VKORC1: variants seen among roughly 807,000 people sequenced by gnomAD.
VKORC1 encodes the protein phylloquinone epoxide reductase.
Under a neutral mutation model 14.8 loss-of-function variants are expected in VKORC1, and 12 were observed. The ratio of observed to expected loss-of-function variants is 0.81; its 90% confidence interval spans 0.52 to 1.31. VKORC1 has a LOEUF of 1.31. VKORC1 is among the 50% of genes most tolerant of loss of function. VKORC1 has a pLI of 0.00. For missense variants in VKORC1, 223 were observed against 215.3 expected (o/e 1.04, Z -0.22); for synonymous variants, 94 against 92.5 (o/e 1.02, Z -0.09).
In VKORC1 at chr16:31,091,617, T is replaced by G. The variant is rs2057291023; in HGVS notation, c.284-275A>C. 1.3e-5 allele frequency among the ~76,000 whole-genome samples: 2 copies of G among 152,314 alleles called. 1 individual carries two copies. Among genetic ancestry groups the G allele is most frequent in the Non-Finnish European group, 2.9e-5 (2 of 68,030 alleles). ...AATTTAGAAATTCAGCTGGGCACGGTGGCTCATGCCTGTAATCCCAGTATT... is the reference window on the plus strand; with the variant it reads ...AATTTAGAAATTCAGCTGGGCACGGGGGCTCATGCCTGTAATCCCAGTATT... On this transcript the variant is annotated intron_variant, in intron 2 of 2. Transcript: ENST00000394975.
chr16:31,092,176 CAAAAAAAA>C (rs35224256), intron 2 of VKORC1, among the ~76,000 whole-genome samples: 7 of 37,186 alleles, frequency 1.9e-4, no homozygotes, highest in Admixed American at 4.9e-4. Flanking sequence ...GACTATGTCG[CAAAAAAAA>C]AAAAAAAAAA....
chr16:31,092,782 C>T (rs950380619), intron 2 of VKORC1: 17 of 1,279,696 alleles, frequency 1.3e-5, no homozygotes, highest in Admixed American at 2.4e-5. Context: ...TGGTAGCTCA[C>T]GCCTGTAATC....
At chr16:31,092,335 A>T (rs2057295494) in intron 2 of VKORC1, among the ~76,000 whole-genome samples, 3 of 152,002 alleles carry the variant, frequency 2.0e-5, no homozygotes, top group Admixed American at 1.3e-4. Context: ...TCTTAAAAAA[A>T]AAAAAAAAGA....
At chr16:31,094,519 C>G in intron 1 of VKORC1, 38 bp downstream of exon 1, 1 of 1,612,562 alleles carries the variant, frequency 6.2e-7, no homozygotes, top group Non-Finnish European at 8.5e-7. Context: ...CCTGGCCGCC[C>G]TGCTCCGAGG....
At chr16:31,092,702 C>A in intron 2 of VKORC1, 1 of 1,252,522 alleles carries the variant, frequency 8.0e-7, no homozygotes, top group Middle Eastern at 2.2e-4. Flanking sequence ...CAAAAGATAG[C>A]TCATGCTCAG....
In VKORC1 at chr16:31,094,649, C is replaced by T. The variant is rs769784897; in HGVS notation, c.81G>A (p.Leu27=). The T allele has an allele frequency of 3.1e-6, 5 of 1,607,430 alleles. No homozygotes were observed. In the South Asian group the frequency reaches 5.5e-5, roughly 18 times the overall value. Residue 27 remains leucine, a synonymous_variant, in exon 1 of 3, where the codon CTG becomes CTA. Transcript: ENST00000394975. ...CCCGGGCGCGCGCCGCCTTCACGTG[C>T]AGCGCGTAGAGCGAGAGCACTAAGC... ...LTGLVLSLYA[L]HVKAARARDR...
Position 31,091,247 on chromosome 16 carries a change from CGAA to C in VKORC1, c.376_378del (p.Phe126del). The C allele has an allele frequency of 6.2e-7, 1 of 1,614,144 alleles. No homozygotes were observed. Among genetic ancestry groups the C allele is most frequent in the East Asian group, 2.2e-5 (1 of 44,870 alleles). Reference sequence around the variant, plus strand: ...CAAACAATGCAGAAATCATAGAGCACGAAGAACAGGATCCAGGCCAGGTAGACA... The same window carrying C: ...CAAACAATGCAGAAATCATAGAGCACGAACAGGATCCAGGCCAGGTAGACA... On this transcript the variant is annotated inframe_deletion, in exon 3 of 3. Coordinates refer to ENST00000394975, the MANE Select transcript of VKORC1 (RefSeq NM_024006.6).
chr16:31,092,812 C>T (rs908960577), intron 2 of VKORC1: 57 of 1,248,062 alleles, frequency 4.6e-5, no homozygotes, highest in Non-Finnish European at 5.8e-5. Flanking sequence ...CTTTGGGAGG[C>T]TGAGGCAGAC....
rs1215078868 is a variant in VKORC1, at chr16:31,094,786, C to G, written c.-57G>C. On this transcript the variant is annotated 5_prime_UTR_variant, in exon 1 of 3. Transcript: ENST00000394975. ...AGAAAACCAGCCACGGAGCAGGGGCCGGGCGGCGAATGGCCGCGCCCCTCC... is the reference window on the plus strand; with the variant it reads ...AGAAAACCAGCCACGGAGCAGGGGCGGGGCGGCGAATGGCCGCGCCCCTCC... 3 of 1,547,866 alleles carry G rather than the reference C, an allele frequency of 1.9e-6. No homozygotes were observed. Among genetic ancestry groups the G allele is most frequent in the Non-Finnish European group, 1.7e-6 (2 of 1,152,030 alleles).
At chr16:31,093,461 T>A (rs2057304456) in intron 1 of VKORC1, 40 bp from the exon 2 acceptor site, 1 of 1,613,962 alleles carries the variant, frequency 6.2e-7, no homozygotes, top group African/African-American at 1.3e-5. Context: ...AGGTTAGGAC[T>A]GTCAACCCAG....
At chr16:31,094,294 C>T in intron 1 of VKORC1, 1 of 1,612,956 alleles carries the variant, frequency 6.2e-7, no homozygotes, top group Non-Finnish European at 8.5e-7. Context: ...CCCCGCCTTT[C>T]CTGGTCACCG....
In VKORC1 at chr16:31,091,019, G is replaced by C; in HGVS notation, c.*115C>G. 6.6e-7 allele frequency: 1 copy of C among 1,512,484 alleles called. No individual in the cohort carries two copies. The highest frequency in any genetic ancestry group is 2.5e-5 in the East Asian group (1 of 40,788). The allele number at this position is 1,512,484 out of a possible 1,614,324, so 93.7% of individuals were successfully genotyped here. ...CATGTGCGGGTATGGCAGGAGGAGG[G>C]GGTAATCTAGAAGCCCCACATCTAG... On this transcript the variant is annotated 3_prime_UTR_variant, in exon 3 of 3. Transcript: ENST00000394975.
At chr16:31,093,854 C>G (rs1051455753) in intron 1 of VKORC1, 14 of 288,934 alleles carry the variant, frequency 4.8e-5, no homozygotes, top group South Asian at 8.2e-5. Flanking sequence ...ATTAAGGCAC[C>G]CGCCATAGCG....
chr16:31,091,361 T>G lies in VKORC1; in HGVS notation c.284-19A>C, dbSNP rs754033601. The G allele has an allele frequency of 1.2e-6, 2 of 1,607,972 alleles. No individual in the cohort carries two copies. Among genetic ancestry groups the G allele is most frequent in the South Asian group, 2.2e-5 (2 of 90,388 alleles). ...AGGCAACCTGCAAGGCAGAAGAGGG[T>G]CCGGTGTGGGCTTCAGGCACTGGCC... On this transcript the variant is annotated intron_variant, in intron 2 of 2. Coordinates refer to ENST00000394975, the MANE Select transcript of VKORC1 (RefSeq NM_024006.6).
Position 31,091,106 on chromosome 16 carries a change from T to C in VKORC1, c.*28A>G, listed in dbSNP as rs1283645712. ...GGCTCACATGCCAAAGCAAAGCAGA[T>C]GAGGTCAGCCTGGCTTGGGTTGAGG... On this transcript the variant is annotated 3_prime_UTR_variant, in exon 3 of 3. Coordinates refer to ENST00000394975, the MANE Select transcript of VKORC1 (RefSeq NM_024006.6). 1.9e-6 allele frequency: 3 copies of C among 1,611,866 alleles called. No individual in the cohort carries two copies. In the South Asian group the frequency reaches 3.3e-5, roughly 18 times the overall value.
chr16:31,093,533 C>T (rs1596797111), intron 1 of VKORC1, 112 bp from the exon 2 acceptor site: 1 of 1,564,576 alleles, frequency 6.4e-7, no homozygotes, highest in East Asian at 2.4e-5. Flanking sequence ...TCCTCTGTTC[C>T]CCGACCTCCC....
At chr16:31,093,862 G>T in intron 1 of VKORC1, 1 of 291,120 alleles carries the variant, frequency 3.4e-6, no homozygotes, top group South Asian at 4.1e-5. Context: ...ACCCGCCATA[G>T]CGCCCGATTA....
rs993371943 is a variant in VKORC1, at chr16:31,094,690, C to T, written c.40G>A (p.Ala14Thr). The T allele has an allele frequency of 1.2e-6, 2 of 1,607,504 alleles. No homozygotes were observed. The highest frequency in any genetic ancestry group is 1.3e-5 in the African/African-American group (1 of 74,894). Residue 14 changes from alanine to threonine, a missense_variant, in exon 1 of 3, where the codon GCT (alanine) becomes ACT (threonine). Transcript: ENST00000394975. ...TWGSPGWVRL[A>T]LCLTGLVLSL... is the part of the protein sequence containing the mutation. The stretch of plus-strand genomic sequence containing the variant: ...AGCACTAAGCCCGTCAGGCAAAGAG[C>T]GAGCCGCACCCAGCCAGGGCTCCCC...
rs104894540 is a variant in VKORC1 at position 31,094,596 on chromosome 16, A to G, written c.134T>C (p.Val45Ala). ...RDRDYRALCD[V>A]GTAISCSRVF... ...GCGCGAACAGCTGATGGCGGTGCCC[A>G]CGTCGCAGAGCGCGCGGTAATCCCG... The change falls in exon 1 of 3, where the codon GTG (valine) becomes GCG (alanine). Residue 45 changes from valine to alanine, a missense_variant. Val to Ala is a moderately conservative substitution (Grantham distance 64). Coordinates refer to ENST00000394975, the MANE Select transcript of VKORC1 (RefSeq NM_024006.6). The G allele has an allele frequency of 6.2e-7, 1 of 1,609,706 alleles. No homozygotes were observed. The highest frequency in any genetic ancestry group is 1.3e-5 in the African/African-American group (1 of 75,000).
Sources: allele counts gnomAD v4.1 joint callset (sites outside exome capture counted in the v4.1 genomes callset), GRCh38; gene constraint gnomAD v4.1.1; transcripts MANE v1.5; gene names NCBI Gene and HGNC (gene_info 2026-07-23, HGNC 2026-07-21).